The following GMDS variants were observed in gnomAD, a reference collection of about 807,000 sequenced individuals.
The protein encoded by GMDS is GDP-mannose 4,6 dehydratase.
In GMDS, 20 loss-of-function variants were observed where a neutral mutation model predicts 49.9. That is an observed-to-expected ratio of 0.40 (90% CI 0.28 to 0.58). GMDS has a LOEUF of 0.58. Ranked by LOEUF, GMDS falls within the 20% of genes least tolerant of loss-of-function variation. GMDS has a pLI of 0.42. For synonymous variants in GMDS, 177 were observed against 178.6 expected, an observed-to-expected ratio of 0.99 and a Z score of 0.07; for missense variants, 362 against 481.4, an observed-to-expected ratio of 0.75 and a Z score of 2.32.
intron 9 of GMDS, among the ~76,000 whole-genome samples, chr6:1,658,253 A>G (rs1024159164): frequency 6.6e-6 from 1 of 152,258 alleles, no homozygotes; most frequent in Admixed American, 6.5e-5. Flanking sequence ...AACACCAGTC[A>G]TCACCCAGCA....
chr6:1,794,435 G>A (rs1581189564), intron 7 of GMDS, among the ~76,000 whole-genome samples: 1 of 151,448 alleles, frequency 6.6e-6, no homozygotes, highest in African/African-American at 2.4e-5. Flanking sequence ...AGGAAACTAC[G>A]GCATTATATA....
At chr6:1,897,327 C>A (rs1043126187) in intron 7 of GMDS, among the ~76,000 whole-genome samples, 21 of 152,180 alleles carry the variant, frequency 1.4e-4, no homozygotes, top group African/African-American at 4.8e-4. Flanking sequence ...AAATTAATCA[C>A]CTGTTTAAAT....
chr6:1,784,491 C>A (rs777225900), intron 7 of GMDS, among the ~76,000 whole-genome samples: 5 of 151,090 alleles, frequency 3.3e-5, no homozygotes, highest in African/African-American at 1.2e-4. Context: ...CTACCCGGGG[C>A]GGGAAGGAGA....
chr6:2,036,071 T>C (rs933024583), intron 4 of GMDS, among the ~76,000 whole-genome samples: 4 of 152,190 alleles, frequency 2.6e-5, no homozygotes, highest in African/African-American at 7.2e-5. Flanking sequence ...CCGTCATTTA[T>C]TGCACCTCTA....
intron 1 of GMDS, among the ~76,000 whole-genome samples, chr6:2,190,769 C>T (rs909829640): frequency 6.6e-6 from 1 of 152,200 alleles, no homozygotes; most frequent in African/African-American, 2.4e-5. Context: ...TTGATGGCAG[C>T]AGGGGGCTGT....
intron 7 of GMDS, among the ~76,000 whole-genome samples, chr6:1,916,580 A>C (rs1287605454): frequency 6.6e-6 from 1 of 151,864 alleles, no homozygotes; most frequent in African/African-American, 2.4e-5. Context: ...AAAGAGAGAG[A>C]GCCAATCGTG....
chr6:1,916,540 A>AAG (rs952850235), intron 7 of GMDS, among the ~76,000 whole-genome samples: 1 of 152,032 alleles, frequency 6.6e-6, no homozygotes, highest in Non-Finnish European at 1.5e-5. Flanking sequence ...GAGTGAAAGA[A>AAG]AGAGAGAGAG....
intron 7 of GMDS, among the ~76,000 whole-genome samples, chr6:1,827,029 G>T (rs1413343724): frequency 4.6e-5 from 7 of 151,336 alleles, no homozygotes; most frequent in Non-Finnish European, 1.0e-4. Context: ...ATTGTGGCCC[G>T]CATTCCAGCC....
chr6:2,067,449 C>A (rs1242708792), intron 4 of GMDS, among the ~76,000 whole-genome samples: 9 of 151,692 alleles, frequency 5.9e-5, no homozygotes, highest in African/African-American at 1.7e-4. Context: ...ACACAAAAAA[C>A]CCTTCAAAAA....
At chr6:1,767,826 A>C (rs1237754204) in intron 7 of GMDS, among the ~76,000 whole-genome samples, 1 of 152,180 alleles carries the variant, frequency 6.6e-6, no homozygotes, top group African/African-American at 2.4e-5. Flanking sequence ...TCTCCCAAAC[A>C]TGAAAATACA....
At chr6:1,648,011 C>A (rs527860108) in intron 9 of GMDS, among the ~76,000 whole-genome samples, 1 of 152,156 alleles carries the variant, frequency 6.6e-6, no homozygotes, top group Non-Finnish European at 1.5e-5. Flanking sequence ...GGCTTCTCGA[C>A]GGTAAAGGAA....
intron 1 of GMDS, among the ~76,000 whole-genome samples, chr6:2,226,108 C>T (rs556300536): frequency 6.6e-6 from 1 of 152,296 alleles, no homozygotes; most frequent in Admixed American, 6.5e-5. Flanking sequence ...GAAACAATTA[C>T]ACTAGAGGTA....
chr6:1,989,664 C>T (rs1021873884), intron 4 of GMDS, among the ~76,000 whole-genome samples: 1 of 152,222 alleles, frequency 6.6e-6, no homozygotes, highest in African/African-American at 2.4e-5. Context: ...CCTGCCACAA[C>T]AAACCAAGAC....
At chr6:2,106,135 C>G (rs1774228077) in intron 4 of GMDS, among the ~76,000 whole-genome samples, 1 of 152,168 alleles carries the variant, frequency 6.6e-6, no homozygotes, top group African/African-American at 2.4e-5. Flanking sequence ...AAAAGTGATA[C>G]CTACTAATCA....
At position 1,853,023 on chromosome 6, in the gene GMDS, G is replaced by A. The variant is rs527391318; in HGVS notation, c.771+77080C>T. On this transcript the variant is annotated intron_variant, in intron 7 of 10. Transcript: ENST00000380815. ...GCCTGGGATCCGCTTTAAAGTCTGC[G>A]CACATCTTGGAGAATGTTCTCATTT... 1.9e-3 allele frequency among the ~76,000 whole-genome samples: 292 copies of A among 152,004 alleles called. 1 individual carries two copies. The highest frequency in any genetic ancestry group is 4.8e-3 in the South Asian group (23 of 4,820).
chr6:2,193,755 C>T (rs375902973), intron 1 of GMDS, among the ~76,000 whole-genome samples: 1 of 126,358 alleles, frequency 7.9e-6, no homozygotes, highest in Non-Finnish European at 1.6e-5. Flanking sequence ...GATGGAGTCT[C>T]GCTCTGTTGC....
intron 7 of GMDS, among the ~76,000 whole-genome samples, chr6:1,820,942 T>G (rs1049185247): frequency 6.6e-6 from 1 of 152,232 alleles, no homozygotes; most frequent in Admixed American, 6.5e-5. Flanking sequence ...CAGGCCTGCC[T>G]GTCACTAACT....
At chr6:2,236,532 C>T (rs772899511) in intron 1 of GMDS, among the ~76,000 whole-genome samples, 11 of 152,176 alleles carry the variant, frequency 7.2e-5, no homozygotes, top group Non-Finnish European at 1.0e-4. Context: ...AAGGATTCCA[C>T]TGTAAACTAC....
intron 6 of GMDS, among the ~76,000 whole-genome samples, chr6:1,947,909 A>T (rs1045860328): frequency 2.0e-5 from 3 of 152,222 alleles, no homozygotes; most frequent in African/African-American, 7.2e-5. Context: ...AAACAAAGTC[A>T]TATGTTCCTT....
Sources: allele counts gnomAD v4.1 joint callset (sites outside exome capture counted in the v4.1 genomes callset), GRCh38; gene constraint gnomAD v4.1.1; transcripts MANE v1.5; gene names NCBI Gene and HGNC (gene_info 2026-07-23, HGNC 2026-07-21).